MACROD2: variants seen among roughly 807,000 people sequenced by gnomAD.
MACROD2 encodes the protein ADP-ribose glycohydrolase MACROD2.
Under a neutral mutation model 70.4 loss-of-function variants are expected in MACROD2, and 36 were observed. That is an observed-to-expected ratio of 0.51 (90% CI 0.39 to 0.68). The LOEUF (loss-of-function observed/expected upper bound fraction) is 0.68. MACROD2 is among the 30% of genes least tolerant of loss of function. The pLI, the probability that MACROD2 is intolerant of heterozygous loss-of-function variation, is 0.00. For missense variants in MACROD2, 496 were observed against 538.4 expected, an observed-to-expected ratio of 0.92 and a Z score of 0.78; for synonymous variants, 172 against 178.8, an observed-to-expected ratio of 0.96 and a Z score of 0.30.
chr20:14,367,227 A>G (rs1038689269), intron 3 of MACROD2, among the ~76,000 whole-genome samples: 2 of 152,192 alleles, frequency 1.3e-5, no homozygotes, highest in African/African-American at 2.4e-5. Context: ...ATCTTTATAC[A>G]TTGTGTGTCT....
chr20:15,453,229 C>CTT (rs1313337171), intron 7 of MACROD2, among the ~76,000 whole-genome samples: 3 of 151,658 alleles, frequency 2.0e-5, no homozygotes, highest in Admixed American at 2.0e-4. Flanking sequence ...CTCTCTCTCT[C>CTT]TCCCTGAGAA....
chr20:14,867,539 C>T (rs1258156230), intron 5 of MACROD2, among the ~76,000 whole-genome samples: 6 of 152,106 alleles, frequency 3.9e-5, no homozygotes, highest in African/African-American at 7.2e-5. Flanking sequence ...TTGAATTCTA[C>T]ATGGATTCCT....
rs1005708400 is a variant in MACROD2, at chr20:15,885,884, T to A, written c.775+73T>A. Reference sequence around the variant, plus strand: ...TGTTGTTTATGTACACTTCATATTTTTTCAACGAAAGACAAAATAAGATTA... The same window carrying A: ...TGTTGTTTATGTACACTTCATATTTATTCAACGAAAGACAAAATAAGATTA... On this transcript the variant is annotated intron_variant, in intron 10 of 17. Coordinates refer to ENST00000684519, the MANE Select transcript of MACROD2 (RefSeq NM_001351661.2). The A allele has an allele frequency of 2.9e-6, 4 of 1,384,748 alleles. No homozygotes were observed. The African/African-American group carries it at 6.1e-5, about 21-fold the overall frequency. 85.8% of individuals were successfully genotyped at this position (1,384,748 alleles called of 1,614,324 possible).
chr20:14,822,896 TA>T (rs987336622), intron 5 of MACROD2, among the ~76,000 whole-genome samples: 5 of 151,830 alleles, frequency 3.3e-5, no homozygotes, highest in Admixed American at 1.3e-4. Flanking sequence ...TATTTATATC[TA>T]AAAAAAAGTG....
chr20:14,128,046 T>A, intron 3 of MACROD2: 1 of 563,742 alleles, frequency 1.8e-6, no homozygotes, highest in Non-Finnish European at 3.5e-6. Flanking sequence ...GATTTTACTT[T>A]GTAACCTGAA....
At chr20:15,976,476 C>G (rs2147437225) in intron 13 of MACROD2, among the ~76,000 whole-genome samples, 1 of 152,302 alleles carries the variant, frequency 6.6e-6, no homozygotes, top group South Asian at 2.1e-4. Flanking sequence ...TTCAACTAGT[C>G]CGAATGTGAA....
chr20:15,236,458 A>C (rs891101890), intron 6 of MACROD2, among the ~76,000 whole-genome samples: 3 of 152,248 alleles, frequency 2.0e-5, no homozygotes, highest in African/African-American at 7.2e-5. Context: ...GAATGAGATC[A>C]ATCATTGAGC....
At chr20:14,593,686 C>T (rs1287743411) in intron 4 of MACROD2, among the ~76,000 whole-genome samples, 1 of 152,142 alleles carries the variant, frequency 6.6e-6, no homozygotes, top group Non-Finnish European at 1.5e-5. Flanking sequence ...ATTAATTCAA[C>T]TAAATGCCAA....
intron 5 of MACROD2, among the ~76,000 whole-genome samples, chr20:15,042,339 G>A (rs953611491): frequency 6.6e-6 from 1 of 152,192 alleles, no homozygotes; most frequent in Non-Finnish European, 1.5e-5. Context: ...TGGAATCTGT[G>A]TGGAAGAAAC....
At chr20:14,521,121 C>T (rs2085165101) in intron 4 of MACROD2, among the ~76,000 whole-genome samples, 1 of 152,174 alleles carries the variant, frequency 6.6e-6, no homozygotes, top group African/African-American at 2.4e-5. Flanking sequence ...AGCAAAATAC[C>T]TCATGTTTTT....
intron 8 of MACROD2, among the ~76,000 whole-genome samples, chr20:15,572,832 AAG>A (rs1477639493): frequency 6.6e-6 from 1 of 152,116 alleles, no homozygotes; most frequent in African/African-American, 2.4e-5. Context: ...AAGCCTGAGA[AAG>A]ATGTAGCCCC....
At chr20:14,377,570 CT>C (rs1158664246) in intron 3 of MACROD2, among the ~76,000 whole-genome samples, 2 of 152,212 alleles carry the variant, frequency 1.3e-5, no homozygotes, top group Non-Finnish European at 2.9e-5. Flanking sequence ...GACAAATAGC[CT>C]TGAGGCTGCT....
At position 15,825,802 on chromosome 20, in the gene MACROD2, T is replaced by G. The variant is rs188730558; in HGVS notation, c.646-36943T>G. 1.4e-3 allele frequency among the ~76,000 whole-genome samples: 212 copies of G among 152,338 alleles called. 1 individual carries two copies. Among genetic ancestry groups the G allele is most frequent in the African/African-American group, 5.0e-3 (206 of 41,580 alleles). On this transcript the variant is annotated intron_variant, in intron 8 of 17. Coordinates refer to ENST00000684519, the MANE Select transcript of MACROD2 (RefSeq NM_001351661.2). ...GCTTTCTTGGTGTTGGAATATCCTT[T>G]CTTTTTGGCATGATGGCTAGAGAAG... is the stretch of plus-strand genomic sequence containing the variant.
At chr20:15,800,698 CT>C (rs1365375561) in intron 8 of MACROD2, among the ~76,000 whole-genome samples, 1 of 151,984 alleles carries the variant, frequency 6.6e-6, no homozygotes, top group African/African-American at 2.4e-5. Flanking sequence ...TACTCAACAG[CT>C]CATTGAGAAC....
At chr20:14,241,871 T>C (rs1378017625) in intron 3 of MACROD2, among the ~76,000 whole-genome samples, 1 of 152,222 alleles carries the variant, frequency 6.6e-6, no homozygotes, top group African/African-American at 2.4e-5. Flanking sequence ...TTACATAAGC[T>C]TTAATGGAGA....
chr20:14,491,110 C>T (rs1032306267), intron 3 of MACROD2, among the ~76,000 whole-genome samples: 1 of 152,068 alleles, frequency 6.6e-6, no homozygotes, highest in Admixed American at 6.6e-5. Flanking sequence ...GAAGAAGTAA[C>T]GTGAAGCTAC....
chr20:15,667,701 C>A (rs1420433), intron 8 of MACROD2, among the ~76,000 whole-genome samples: 86,405 of 151,910 alleles, frequency 0.57, 25,002 homozygotes, highest in East Asian at 0.85. Flanking sequence ...TTAATCCTCC[C>A]ACCTGTTACG....
intron 8 of MACROD2, among the ~76,000 whole-genome samples, chr20:15,761,371 T>C (rs1271535290): frequency 1.3e-5 from 2 of 152,218 alleles, no homozygotes; most frequent in Admixed American, 6.5e-5. Context: ...TTAAAACTTA[T>C]CCTGTTTAAA....
chr20:14,664,279 A>G (rs539384312), intron 4 of MACROD2, among the ~76,000 whole-genome samples: 20 of 152,210 alleles, frequency 1.3e-4, no homozygotes, highest in Non-Finnish European at 5.9e-5. Context: ...GTTACAGCCA[A>G]AATGCTGACA....
Sources: gnomAD v4.1 joint callset for allele counts (sites outside exome capture counted in the v4.1 genomes callset) on GRCh38, gnomAD v4.1.1 for gene constraint, MANE v1.5 for transcripts, NCBI Gene and HGNC (gene_info 2026-07-23, HGNC 2026-07-21) for gene names.